BMPER: variants seen among roughly 807,000 people sequenced by gnomAD.
BMPER encodes BMP binding endothelial regulator.
A neutral mutation model predicts 87.3 loss-of-function variants in BMPER; 45 were observed. The observed-to-expected ratio is 0.52, with a 90% confidence interval of 0.41 to 0.66. BMPER has a LOEUF of 0.66. BMPER is among the 30% of genes least tolerant of loss of function. The probability of loss-of-function intolerance (pLI) is 0.00; values close to 1 mark genes in which losing one functional copy is unlikely to be tolerated. For missense variants in BMPER, 784 were observed against 867.5 expected, an observed-to-expected ratio of 0.90 and a Z score of 1.21; for synonymous variants, 326 against 316.2, an observed-to-expected ratio of 1.03 and a Z score of -0.33.
rs1562762066 is a variant in BMPER at position 34,129,616 on chromosome 7, G to GAA, written c.1746-13613_1746-13612insAA. ...AGAGAGAGAGAGAGAGAGAAAGAGA[G>GAA]AGAGAGAGAAAGAGAGAAAGAAAGA... is the stretch of plus-strand genomic sequence containing the variant. On this transcript the variant is annotated intron_variant, in intron 13 of 14. Transcript: ENST00000649409. Among the ~76,000 whole-genome samples, 740 of 99,822 alleles carry GAA rather than the reference G, an allele frequency of 7.4e-3. 11 individuals are homozygous for GAA. The highest frequency in any genetic ancestry group is 0.014 in the South Asian group (42 of 2,926). The allele number at this position is 99,822 out of a possible 152,430, so 65.5% of individuals were successfully genotyped here.
intron 2 of BMPER, among the ~76,000 whole-genome samples, chr7:33,922,962 C>T (rs1261403469): frequency 6.6e-6 from 1 of 152,126 alleles, no homozygotes; most frequent in Non-Finnish European, 1.5e-5. Context: ...CCCAAAATTG[C>T]AACACATTGC....
rs189849930 is a variant in BMPER, at chr7:33,981,644, A to G, written c.576+6860A>G. Among the ~76,000 whole-genome samples, 256 of 152,346 alleles carry G rather than the reference A, an allele frequency of 1.7e-3. 2 individuals carry two copies. The highest frequency in any genetic ancestry group is 4.2e-3 in the Admixed American group (65 of 15,304). On this transcript the variant is annotated intron_variant, in intron 6 of 14. Coordinates refer to ENST00000649409, the MANE Select transcript of BMPER (RefSeq NM_001365308.1). ...GTATACATAATAATCTGCTGAATTC[A>G]TGAACAAATGGATGCTGGTTTTTAT... is the stretch of plus-strand genomic sequence containing the variant.
intron 12 of BMPER, among the ~76,000 whole-genome samples, chr7:34,081,728 C>G (rs1789054030): frequency 6.6e-6 from 1 of 152,164 alleles, no homozygotes; most frequent in African/African-American, 2.4e-5. Flanking sequence ...GAGAGCATGG[C>G]TTTTTACTTT....
At chr7:34,128,063 C>T (rs997392464) in intron 13 of BMPER, among the ~76,000 whole-genome samples, 5 of 152,210 alleles carry the variant, frequency 3.3e-5, no homozygotes, top group African/African-American at 1.2e-4. Flanking sequence ...ATAAGCAACA[C>T]TTACCTTTCC....
intron 2 of BMPER, among the ~76,000 whole-genome samples, chr7:33,924,870 C>G (rs910827011): frequency 1.3e-5 from 2 of 152,148 alleles, no homozygotes; most frequent in Non-Finnish European, 2.9e-5. Context: ...CCATGTTGCC[C>G]AGGCTGGTCT....
intron 13 of BMPER, among the ~76,000 whole-genome samples, chr7:34,102,731 G>A (rs1327089931): frequency 6.6e-6 from 1 of 152,170 alleles, no homozygotes; most frequent in Non-Finnish European, 1.5e-5. Context: ...CAGACGCTCT[G>A]CTAGGCTCAG....
intron 6 of BMPER, among the ~76,000 whole-genome samples, chr7:33,998,738 G>A (rs145010434): frequency 1.3e-5 from 2 of 152,234 alleles, no homozygotes; most frequent in Non-Finnish European, 2.9e-5. Context: ...CCATGGCTTT[G>A]TGCAGCCAAA....
At chr7:34,062,831 A>G (rs1024078204) in intron 11 of BMPER, among the ~76,000 whole-genome samples, 1 of 152,196 alleles carries the variant, frequency 6.6e-6, no homozygotes, top group Non-Finnish European at 1.5e-5. Flanking sequence ...ATGCAGTATT[A>G]TATTCCTATG....
intron 14 of BMPER, among the ~76,000 whole-genome samples, chr7:34,151,895 T>C (rs962823350): frequency 3.3e-5 from 5 of 152,382 alleles, no homozygotes; most frequent in Middle Eastern, 3.4e-3. Context: ...GATTACTCGC[T>C]GGATAGAATG....
At chr7:34,115,964 A>G (rs1311244885) in intron 13 of BMPER, among the ~76,000 whole-genome samples, 1 of 152,164 alleles carries the variant, frequency 6.6e-6, no homozygotes, top group East Asian at 1.9e-4. Flanking sequence ...ATTTCTCCAC[A>G]TCCTTGCCAA....
At chr7:33,994,110 GAGGC>G (rs367979341) in intron 6 of BMPER, among the ~76,000 whole-genome samples, 61,060 of 150,236 alleles carry the variant, frequency 0.41, 12,118 homozygotes, top group South Asian at 0.47. Context: ...GGAGCCTACA[GAGGC>G]AGGCAGGCCT....
chr7:34,033,214 G>A (rs1787577074), intron 6 of BMPER, among the ~76,000 whole-genome samples: 1 of 152,104 alleles, frequency 6.6e-6, no homozygotes, highest in Admixed American at 6.6e-5. Context: ...AACATTTAAT[G>A]TACCATCTAA....
At chr7:34,010,403 C>G (rs967204065) in intron 6 of BMPER, among the ~76,000 whole-genome samples, 1 of 151,868 alleles carries the variant, frequency 6.6e-6, no homozygotes, top group Non-Finnish European at 1.5e-5. Flanking sequence ...TTTAAAATTA[C>G]TTGTTGTATG....
chr7:34,065,197 ACACTCACTCT>A (rs1434428266), intron 11 of BMPER, among the ~76,000 whole-genome samples: 3 of 129,242 alleles, frequency 2.3e-5, no homozygotes, highest in Admixed American at 1.6e-4. Context: ...ACACACATAC[ACACTCACTCT>A]CTCTCTCTCT....
At chr7:33,998,391 G>A (rs891182265) in intron 6 of BMPER, among the ~76,000 whole-genome samples, 1 of 152,128 alleles carries the variant, frequency 6.6e-6, no homozygotes, top group Non-Finnish European at 1.5e-5. Context: ...TGGGAATCTG[G>A]TCATTGCCCT....
chr7:34,115,150 G>A (rs1056124555), intron 13 of BMPER, among the ~76,000 whole-genome samples: 3 of 152,162 alleles, frequency 2.0e-5, no homozygotes, highest in Non-Finnish European at 2.9e-5. Flanking sequence ...CCCTCCAGGT[G>A]CTGGAATTCC....
chr7:33,982,296 G>A (rs1304465306), intron 6 of BMPER, among the ~76,000 whole-genome samples: 1 of 152,094 alleles, frequency 6.6e-6, no homozygotes, highest in Non-Finnish European at 1.5e-5. Context: ...CTGTCCACGG[G>A]GAGAAATTTG....
chr7:33,923,793 A>G (rs1562632611), intron 2 of BMPER, among the ~76,000 whole-genome samples: 1 of 152,308 alleles, frequency 6.6e-6, no homozygotes. Context: ...ACTTATAAGC[A>G]TTATGTTTTA....
intron 3 of BMPER, among the ~76,000 whole-genome samples, chr7:33,965,970 T>A (rs1387329745): frequency 6.6e-6 from 1 of 152,126 alleles, no homozygotes; most frequent in African/African-American, 2.4e-5. Context: ...GAGGTAAGGG[T>A]TGGAAGGTTT....
Sources: gnomAD v4.1 joint callset for allele counts (sites outside exome capture counted in the v4.1 genomes callset) on GRCh38, gnomAD v4.1.1 for gene constraint, MANE v1.5 for transcripts, NCBI Gene and HGNC (gene_info 2026-07-23, HGNC 2026-07-21) for gene names.